PPFIA2: variants seen among roughly 807,000 people sequenced by gnomAD.
PPFIA2 encodes the protein liprin-alpha-2.
PPFIA2 carries 46 observed loss-of-function variants against 175.5 expected under a neutral mutation model. The observed-to-expected ratio is 0.26, with a 90% CI of 0.21 to 0.34. The LOEUF (loss-of-function observed/expected upper bound fraction) is 0.34, where lower values mean the gene tolerates loss of function less well. Ranked by LOEUF, PPFIA2 falls within the 10% of genes least tolerant of loss-of-function variation. The pLI is 1.00. For synonymous variants in PPFIA2, 568 were observed against 511.4 expected (o/e 1.11, Z -1.49); for missense variants, 1,179 against 1,506.1 (o/e 0.78, Z 3.60).
intron 4 of PPFIA2, among the ~76,000 whole-genome samples, chr12:81,529,157 A>C (rs998993368): frequency 2.4e-4 from 36 of 152,030 alleles, no homozygotes; most frequent in African/African-American, 8.7e-4. Flanking sequence ...GAAAAGATAA[A>C]ACTGACAACC....
At chr12:81,537,741 T>C (rs1388005489) in intron 4 of PPFIA2, among the ~76,000 whole-genome samples, 1 of 151,876 alleles carries the variant, frequency 6.6e-6, no homozygotes, top group Non-Finnish European at 1.5e-5. Context: ...TTACCAATTT[T>C]TCCAGGGCCT....
chr12:81,492,859 T>C (rs999266467), intron 4 of PPFIA2, among the ~76,000 whole-genome samples: 2 of 151,982 alleles, frequency 1.3e-5, no homozygotes, highest in African/African-American at 4.8e-5. Context: ...AGTAGGAAAA[T>C]CAATGAGAGG....
chr12:81,367,935 T>C (rs919815218), intron 13 of PPFIA2, among the ~76,000 whole-genome samples: 1 of 151,794 alleles, frequency 6.6e-6, no homozygotes, highest in Admixed American at 6.6e-5. Flanking sequence ...GAGGAAGTCA[T>C]GTCTTATTAC....
chr12:81,584,168 A>C (rs1490358735), intron 4 of PPFIA2, among the ~76,000 whole-genome samples: 2 of 151,956 alleles, frequency 1.3e-5, no homozygotes, highest in African/African-American at 4.8e-5. Context: ...ATGAAAGAAC[A>C]GTGTATGCAA....
intron 3 of PPFIA2, among the ~76,000 whole-genome samples, chr12:81,684,530 A>G (rs1438841423): frequency 6.6e-6 from 1 of 152,166 alleles, no homozygotes; most frequent in Non-Finnish European, 1.5e-5. Flanking sequence ...TTACATATAT[A>G]AAAAGCTGAA....
chr12:81,652,830 A>G (rs1181795024), intron 4 of PPFIA2, among the ~76,000 whole-genome samples: 1 of 152,062 alleles, frequency 6.6e-6, no homozygotes, highest in Non-Finnish European at 1.5e-5. Flanking sequence ...GAATTCACCT[A>G]CGCCAAACTA....
chr12:81,366,947 T>C (rs1344629834), intron 14 of PPFIA2, among the ~76,000 whole-genome samples, 161 bp downstream of exon 14: 1 of 151,724 alleles, frequency 6.6e-6, no homozygotes, highest in Admixed American at 6.6e-5. Context: ...GCTCTTCCTC[T>C]CTATGTACGC....
intron 4 of PPFIA2, among the ~76,000 whole-genome samples, chr12:81,528,731 C>T (rs17686808): frequency 0.041 from 6,296 of 152,050 alleles, 207 homozygotes; most frequent in Middle Eastern, 0.068. Context: ...ATAATTATCG[C>T]TATAATCAGC....
At chr12:81,274,896 TC>T (rs1565855182) in intron 28 of PPFIA2, among the ~76,000 whole-genome samples, 2 of 152,048 alleles carry the variant, frequency 1.3e-5, no homozygotes, top group African/African-American at 4.8e-5. Context: ...AGTTTTTTTT[TC>T]CTCAGAGCTA....
rs139190533 is a variant in PPFIA2, at chr12:81,685,950, T to C, written c.250-9106A>G. Among the ~76,000 whole-genome samples the C allele has an allele frequency of 8.5e-4, 129 of 152,160 alleles. 1 individual carries two copies. Among genetic ancestry groups the C allele is most frequent in the African/African-American group, 3.0e-3 (126 of 41,572 alleles). ...CTCTTAGCCATTATTATTTCCACCATTTCAAGATGATGAAACTGGGTCTTT... is the reference window on the plus strand; with the variant it reads ...CTCTTAGCCATTATTATTTCCACCACTTCAAGATGATGAAACTGGGTCTTT... On this transcript the variant is annotated intron_variant, in intron 3 of 32. Transcript: ENST00000549396.
intron 3 of PPFIA2, among the ~76,000 whole-genome samples, chr12:81,730,785 T>C (rs2080782994): frequency 6.6e-6 from 1 of 151,610 alleles, no homozygotes; most frequent in Non-Finnish European, 1.5e-5. Context: ...AAGTTCACCA[T>C]GTTCCAATTA....
At chr12:81,485,341 AATACACTTT>A (rs2058697534) in intron 4 of PPFIA2, among the ~76,000 whole-genome samples, 2 of 151,574 alleles carry the variant, frequency 1.3e-5, no homozygotes, top group African/African-American at 4.8e-5. Context: ...TTAACTCCTT[AATACACTTT>A]ATATAATTAT....
intron 9 of PPFIA2, among the ~76,000 whole-genome samples, chr12:81,383,049 T>C (rs1033718804): frequency 6.6e-6 from 1 of 152,098 alleles, no homozygotes; most frequent in Non-Finnish European, 1.5e-5. Flanking sequence ...GATCAAGTGC[T>C]TCAGAAGACT....
At chr12:81,476,775 C>T (rs2057522814) in intron 4 of PPFIA2, among the ~76,000 whole-genome samples, 1 of 152,090 alleles carries the variant, frequency 6.6e-6, no homozygotes, top group African/African-American at 2.4e-5. Flanking sequence ...TTCATTGCAG[C>T]AGTATTCACA....
intron 28 of PPFIA2, among the ~76,000 whole-genome samples, chr12:81,271,211 TTCTC>T (rs1242835489): frequency 2.0e-5 from 3 of 152,170 alleles, no homozygotes; most frequent in Non-Finnish European, 2.9e-5. Flanking sequence ...TTTGTTCTTT[TTCTC>T]TCTTTCTTGC....
At chr12:81,295,110 A>T (rs1183988820) in intron 23 of PPFIA2, 75 bp from the exon 24 acceptor site, 8 of 1,370,642 alleles carry the variant, frequency 5.8e-6, no homozygotes. Flanking sequence ...GCTAGGAATT[A>T]TTTTATGTAT....
chr12:81,614,743 T>C (rs963245736), intron 4 of PPFIA2, among the ~76,000 whole-genome samples: 7 of 152,176 alleles, frequency 4.6e-5, no homozygotes, highest in Non-Finnish European at 1.0e-4. Context: ...GACCCCATAG[T>C]TACCATTTAT....
rs767960222 is a variant in PPFIA2, at chr12:81,266,941, G to C, written c.3555+11C>G. 15 of 1,593,878 alleles carry C rather than the reference G, an allele frequency of 9.4e-6. No individual in the cohort carries two copies. The highest frequency in any genetic ancestry group is 1.7e-4 in the Middle Eastern group (1 of 6,024). On this transcript the variant is annotated intron_variant, in intron 30 of 32. Transcript: ENST00000549396. The stretch of plus-strand genomic sequence containing the variant: ...TCTCTCAGATCTCTTTTGAATAACA[G>C]GTGGACTTACTTCATCCAGTCGCCT...
chr12:81,283,660 T>C (rs1050347062), intron 25 of PPFIA2, among the ~76,000 whole-genome samples: 5 of 152,218 alleles, frequency 3.3e-5, no homozygotes, highest in Middle Eastern at 3.4e-3. Context: ...ATAAAATATA[T>C]GATATGCCCA....
Sources: allele counts gnomAD v4.1 joint callset (sites outside exome capture counted in the v4.1 genomes callset), GRCh38; gene constraint gnomAD v4.1.1; transcripts MANE v1.5; gene names NCBI Gene and HGNC (gene_info 2026-07-23, HGNC 2026-07-21).